Variants in WDR20 observed in about 807,000 individuals in gnomAD.
The protein encoded by WDR20 is WD repeat domain 20, also known as WD repeat-containing protein 20.
WDR20 carries 3 observed loss-of-function variants against 38.7 expected under a neutral mutation model. That is an observed-to-expected ratio of 0.08 (90% confidence interval 0.04 to 0.20). WDR20 has a LOEUF of 0.20. WDR20 is among the 10% of genes least tolerant of loss of function. The pLI is 1.00. For synonymous variants in WDR20, 298 were observed against 285.6 expected, an observed-to-expected ratio of 1.04 and a Z score of -0.44; for missense variants, 559 against 727.7, an observed-to-expected ratio of 0.77 and a Z score of 2.67.
At chr14:102,188,898 C>G (rs1421034942) in intron 1 of WDR20, among the ~76,000 whole-genome samples, 2 of 133,346 alleles carry the variant, frequency 1.5e-5, no homozygotes, top group African/African-American at 5.5e-5. Context: ...AAAAAAAATT[C>G]CAGAGATCTT....
chr14:102,193,538 T>G, intron 1 of WDR20: 1 of 1,610,498 alleles, frequency 6.2e-7, no homozygotes, highest in Non-Finnish European at 8.5e-7. Flanking sequence ...AGTGTCCGCA[T>G]GGCATGCACC....
intron 2 of WDR20, among the ~76,000 whole-genome samples, chr14:102,200,467 TTGTGTGTGTGTGTG>T (rs71395660): frequency 0.012 from 1,389 of 117,766 alleles, 16 homozygotes; most frequent in Non-Finnish European, 0.021. Flanking sequence ...ATTTTTTTTT[TTGTGTGTGTGTGTG>T]TGTGTGTGTG....
chr14:102,171,601 G>A (rs890890526), intron 1 of WDR20: 1 of 151,806 alleles, frequency 6.6e-6, no homozygotes, highest in Non-Finnish European at 1.5e-5. Flanking sequence ...GCTGTTTTCT[G>A]CTAAACTGTG....
chr14:102,176,263 C>T (rs2062043239), intron 1 of WDR20, among the ~76,000 whole-genome samples: 1 of 151,870 alleles, frequency 6.6e-6, no homozygotes. Flanking sequence ...GGCGTGGTGG[C>T]ATGCACCTGT....
chr14:102,167,184 T>G (rs1319682102), intron 1 of WDR20, among the ~76,000 whole-genome samples: 12 of 152,184 alleles, frequency 7.9e-5, no homozygotes. Context: ...CTCACAAACC[T>G]TAACCTTTTT....
At chr14:102,196,132 T>C (rs1049989351) in intron 2 of WDR20, among the ~76,000 whole-genome samples, 1 of 152,248 alleles carries the variant, frequency 6.6e-6, no homozygotes, top group African/African-American at 2.4e-5. Context: ...TGGATTCTTT[T>C]GCAGTTATGG....
Position 102,207,197 on chromosome 14 carries a change from A to C in WDR20, c.433-1406A>C, listed in dbSNP as rs1029215429. 6.6e-6 allele frequency among the ~76,000 whole-genome samples: 1 copy of C among 152,218 alleles called. No individual in the cohort carries two copies. The highest frequency in any genetic ancestry group is 2.4e-5 in the African/African-American group (1 of 41,456). On this transcript the variant is annotated intron_variant, in intron 2 of 2. Transcript: ENST00000342702. The surrounding 1 kb of genome is among the most constrained non-coding windows in gnomAD (Gnocchi z 5.0). ...AGTAACTGCCCAATGCATGGTCCCC[A>C]GCCCTGGGCCCGCATGCTGTGTGGC...
Position 102,209,123 on chromosome 14 carries a change from G to C in WDR20, c.953G>C (p.Ser318Thr). 1 of 1,614,166 alleles carries C rather than the reference G, an allele frequency of 6.2e-7. No individual in the cohort carries two copies. Among genetic ancestry groups the C allele is most frequent in the Non-Finnish European group, 8.5e-7 (1 of 1,180,030 alleles). The stretch of plus-strand genomic sequence containing the variant: ...GTAGCGTTTGACCCTTATACCACTA[G>C]TGTAGAAGAAGGTGACCCTATGGAG... ...SVVAFDPYTTSVEEGDPMEFS... is the reference protein window; with the variant it reads ...SVVAFDPYTTTVEEGDPMEFS... Residue 318 changes from serine (S) to threonine (T), a missense_variant, in exon 3 of 3, where the codon AGT (serine) becomes ACT (threonine). Coordinates refer to ENST00000342702, the MANE Select transcript of WDR20 (RefSeq NM_144574.4). This position sits in a 1 kb window ranked among gnomAD's most constrained non-coding sequence, Gnocchi z 6.0.
rs1270005861 is a variant in WDR20 at position 102,147,453 on chromosome 14, T to C, written c.249+7281T>C. Among the ~76,000 whole-genome samples the C allele has an allele frequency of 3.3e-5, 5 of 152,194 alleles. No individual in the cohort carries two copies. In the East Asian group the frequency reaches 5.8e-4, roughly 18 times the overall value. ...AAGCACCTGGAATATGTCATGGAAGTCCGTGAGATAGTCATGAATGCCATT... is the reference window on the plus strand; with the variant it reads ...AAGCACCTGGAATATGTCATGGAAGCCCGTGAGATAGTCATGAATGCCATT... On this transcript the variant is annotated intron_variant, in intron 1 of 2. Coordinates refer to ENST00000342702, the MANE Select transcript of WDR20 (RefSeq NM_144574.4).
At chr14:102,143,842 C>T (rs777811942) in intron 1 of WDR20, among the ~76,000 whole-genome samples, 11 of 151,682 alleles carry the variant, frequency 7.3e-5, no homozygotes, top group Non-Finnish European at 1.0e-4. Flanking sequence ...TGCGCCCGGC[C>T]GTAAACATCT....
At chr14:102,157,937 A>G (rs118004699) in intron 1 of WDR20, among the ~76,000 whole-genome samples, 1,674 of 151,986 alleles carry the variant, frequency 0.011, 18 homozygotes, top group Non-Finnish European at 0.018. Context: ...AATGTACTAC[A>G]TTAGTGTATT....
rs541257011 is a variant in WDR20 at position 102,208,796 on chromosome 14, C to T, written c.626C>T (p.Thr209Met). 3.1e-6 allele frequency: 5 copies of T among 1,614,254 alleles called. No homozygotes were observed. The highest frequency in any genetic ancestry group is 1.7e-5 in the Admixed American group (1 of 60,028). Reference sequence around the variant, plus strand: ...GTGCACACTTGCAAGAGCAAATCCACGAGGAACCCTCTCCTTAAGTGGACG... The same window carrying T: ...GTGCACACTTGCAAGAGCAAATCCATGAGGAACCCTCTCCTTAAGTGGACG... ...FAVHTCKSKS[T>M]RNPLLKWTVG... is the part of the protein sequence containing the mutation. The change falls in exon 3 of 3, where the codon ACG (threonine) becomes ATG (methionine). Residue 209 changes from threonine (T) to methionine (M), a missense_variant. Physicochemically the swap from Thr to Met is moderately conservative, Grantham distance 81 (BLOSUM62 -1). Coordinates refer to ENST00000342702, the MANE Select transcript of WDR20 (RefSeq NM_144574.4). This position sits in a 1 kb window ranked among gnomAD's most constrained non-coding sequence, Gnocchi z 5.6.
intron 1 of WDR20, among the ~76,000 whole-genome samples, chr14:102,171,028 C>A (rs1234327545): frequency 2.6e-5 from 4 of 152,052 alleles, no homozygotes; most frequent in African/African-American, 2.4e-5. Flanking sequence ...GTGGCGCGAT[C>A]TCAGCTCACT....
chr14:102,219,780 C>CA (rs1356529227), downstream of WDR20, among the ~76,000 whole-genome samples: 1 of 152,220 alleles, frequency 6.6e-6, no homozygotes, highest in Non-Finnish European at 1.5e-5. Context: ...CCAGGGCTGC[C>CA]ATCAAAAGGG....
At chr14:102,155,453 G>A (rs1427134467) in intron 1 of WDR20, among the ~76,000 whole-genome samples, 1 of 152,172 alleles carries the variant, frequency 6.6e-6, no homozygotes, top group Non-Finnish European at 1.5e-5. Context: ...AGAGACCAGA[G>A]AGAGATTACT....
At chr14:102,210,980 G>A (rs1450218925), downstream of WDR20, among the ~76,000 whole-genome samples, 2 of 152,260 alleles carry the variant, frequency 1.3e-5, no homozygotes, top group Non-Finnish European at 1.5e-5. Context: ...CGTAGGCTTC[G>A]TCCTCAGTGG....
At chr14:102,162,583 CTCTTTCTTTCTTTT>C (rs2058972432) in intron 1 of WDR20, among the ~76,000 whole-genome samples, 2 of 149,970 alleles carry the variant, frequency 1.3e-5, no homozygotes, top group South Asian at 4.2e-4. Context: ...TTCTCTCTCT[CTCTTTCTTTCTTTT>C]TCTTTCTTTC....
At chr14:102,217,224 C>T (rs1278769150), downstream of WDR20, among the ~76,000 whole-genome samples, 2 of 152,170 alleles carry the variant, frequency 1.3e-5, no homozygotes, top group Non-Finnish European at 2.9e-5. Context: ...GTCCCAGGAG[C>T]GGGAGGGCCT....
chr14:102,176,446 C>A (rs2062100094), intron 1 of WDR20, among the ~76,000 whole-genome samples: 1 of 151,978 alleles, frequency 6.6e-6, no homozygotes. Context: ...CGCCTGTAAT[C>A]CCAGCACTTT....
Sources: gnomAD v4.1 joint callset for allele counts (sites outside exome capture counted in the v4.1 genomes callset) on GRCh38, gnomAD v4.1.1 for gene constraint, Gnocchi (gnomAD v3.1) non-coding constraint, MANE v1.5 for transcripts, NCBI Gene and HGNC (gene_info 2026-07-23, HGNC 2026-07-21) for gene names.